Variants in FBXL2 observed in about 807,000 individuals in gnomAD.
FBXL2 encodes the protein F-box and leucine rich repeat protein 2.
In FBXL2, 38 loss-of-function variants were observed where a neutral mutation model predicts 69.2. That is an observed-to-expected ratio of 0.55 (90% CI 0.42 to 0.72). The LOEUF is 0.72. Among genes scored for constraint, FBXL2 ranks in the 30% least tolerant of loss-of-function variants. The pLI, the probability that FBXL2 is intolerant of heterozygous loss-of-function variation, is 0.00. For synonymous variants in FBXL2, 192 were observed against 201.3 expected (o/e 0.95, Z 0.39); for missense variants, 354 against 520.3 (o/e 0.68, Z 3.11).
chr3:33,398,219 A>G (rs1243538590), intron 12 of FBXL2: 1 of 152,258 alleles, frequency 6.6e-6, no homozygotes, highest in Non-Finnish European at 1.5e-5. Flanking sequence ...TATGATAAAT[A>G]GCCACTTACA....
intron 2 of FBXL2, among the ~76,000 whole-genome samples, chr3:33,319,091 AG>A (rs2037969717): frequency 6.6e-6 from 1 of 152,222 alleles, no homozygotes; most frequent in Admixed American, 6.5e-5. Context: ...AAGACGTCAC[AG>A]TCCTGGGATA....
At chr3:33,326,605 T>C (rs2038717242) in intron 2 of FBXL2, among the ~76,000 whole-genome samples, 1 of 152,196 alleles carries the variant, frequency 6.6e-6, no homozygotes, top group Non-Finnish European at 1.5e-5. Context: ...AACCTCCAAT[T>C]TAACTTTTGC....
At chr3:33,396,307 G>A in intron 12 of FBXL2, 5 of 1,530,356 alleles carry the variant, frequency 3.3e-6, no homozygotes, top group Non-Finnish European at 4.5e-6. Flanking sequence ...CCACTGATGA[G>A]CCTGGGAGAG....
At chr3:33,401,958 TA>T (rs1383278539) in intron 12 of FBXL2, among the ~76,000 whole-genome samples, 1 of 152,194 alleles carries the variant, frequency 6.6e-6, no homozygotes, top group Non-Finnish European at 1.5e-5. Context: ...TCTTAAAGCA[TA>T]ATAGCCTACA....
At chr3:33,361,322 A>T (rs1157949890) in intron 4 of FBXL2, among the ~76,000 whole-genome samples, 1 of 151,862 alleles carries the variant, frequency 6.6e-6, no homozygotes, top group Non-Finnish European at 1.5e-5. Flanking sequence ...TGGGCAACAT[A>T]GCAAAACTGC....
chr3:33,283,479 T>A (rs1052045823), intron 1 of FBXL2, among the ~76,000 whole-genome samples: 7 of 152,236 alleles, frequency 4.6e-5, no homozygotes, highest in African/African-American at 1.7e-4. Flanking sequence ...TTTGCATCGA[T>A]GTTCATCAGG....
chr3:33,321,520 A>T (rs2038216805), intron 2 of FBXL2, among the ~76,000 whole-genome samples: 1 of 152,204 alleles, frequency 6.6e-6, no homozygotes, highest in Admixed American at 6.5e-5. Flanking sequence ...ATGTGACATT[A>T]TCCACAGTTG....
chr3:33,401,107 G>A, intron 12 of FBXL2: 1 of 1,261,556 alleles, frequency 7.9e-7, no homozygotes, highest in Middle Eastern at 2.3e-4. Context: ...TTGTAACTAT[G>A]CAAATTTCAA....
chr3:33,311,109 T>C (rs1045731325), intron 2 of FBXL2, among the ~76,000 whole-genome samples: 1 of 152,216 alleles, frequency 6.6e-6, no homozygotes. Context: ...CATCCTATTC[T>C]CTTGTAGATT....
rs202118285 is a variant in FBXL2 at position 33,375,384 on chromosome 3, C to A, written c.754C>A (p.Leu252Ile). The change falls in exon 10 of 15, where the codon CTT becomes ATT. Residue 252 changes from leucine (L) to isoleucine (I), a missense_variant. Physicochemically the swap from Leu to Ile is conservative, Grantham distance 5. Coordinates refer to ENST00000484457, the MANE Select transcript of FBXL2 (RefSeq NM_012157.5). ...TTGCAGCAACCTCACAGATGCCTCT[C>A]TTACAGCCCTGGGTTTGAACTGTCC... Reference protein sequence around the residue: ...SGCSNLTDASLTALGLNCPRL... With the variant: ...SGCSNLTDASITALGLNCPRL... The A allele has an allele frequency of 8.7e-6, 14 of 1,614,080 alleles. No homozygotes were observed. The Admixed American group carries it at 2.3e-4, about 27-fold the overall frequency.
At chr3:33,395,300 T>A (rs1032106317) in intron 12 of FBXL2, among the ~76,000 whole-genome samples, 2 of 152,050 alleles carry the variant, frequency 1.3e-5, no homozygotes, top group African/African-American at 4.8e-5. Context: ...TTAGGGCAAA[T>A]AACTGCATCT....
chr3:33,401,140 C>T, intron 12 of FBXL2: 1 of 811,402 alleles, frequency 1.2e-6, no homozygotes, highest in Non-Finnish European at 1.8e-6. Context: ...TGGGAGACAG[C>T]TATGAAAGTC....
In FBXL2 at chr3:33,377,271, A is replaced by G. The variant is rs771407787; in HGVS notation, c.789-2A>G. ...TCTCCCCTGTACCCACTTTCTCCTC[A>G]GAATTTTGGAGGCTGCCCGATGCTC... On this transcript the variant is annotated splice_acceptor_variant, in intron 10 of 14. Coordinates refer to ENST00000484457, the MANE Select transcript of FBXL2 (RefSeq NM_012157.5). LOFTEE classifies it high-confidence loss of function. The G allele has an allele frequency of 1.9e-6, 3 of 1,614,100 alleles. No individual in the cohort carries two copies.
intron 13 of FBXL2, chr3:33,383,770 CTGTTT>C (rs1327271321): frequency 3.7e-6 from 2 of 537,278 alleles, no homozygotes; most frequent in Non-Finnish European, 6.7e-6. Context: ...ATGTCTCAGT[CTGTTT>C]TGTGCTGCTA....
rs1230623348 is a variant in FBXL2, at chr3:33,361,521, T to A, written c.195+2164T>A. On this transcript the variant is annotated intron_variant, in intron 4 of 14. Coordinates refer to ENST00000484457, the MANE Select transcript of FBXL2 (RefSeq NM_012157.5). Reference sequence around the variant, plus strand: ...GTGGGGCCCTGTCTCAAAAAAAAAATTATTTTGATATTAAAAAGTACTACT... The same window carrying A: ...GTGGGGCCCTGTCTCAAAAAAAAAAATATTTTGATATTAAAAAGTACTACT... Among the ~76,000 whole-genome samples the A allele has an allele frequency of 3.3e-5, 5 of 151,876 alleles. No homozygotes were observed. In the East Asian group the frequency reaches 7.8e-4, roughly 24 times the overall value.
At chr3:33,301,470 T>A (rs1450271521) in intron 2 of FBXL2, among the ~76,000 whole-genome samples, 3 of 152,224 alleles carry the variant, frequency 2.0e-5, no homozygotes, top group Admixed American at 2.0e-4. Flanking sequence ...TCTGGAATAA[T>A]ATGCTGCTTT....
intron 2 of FBXL2, among the ~76,000 whole-genome samples, chr3:33,327,972 C>A (rs1457821424): frequency 8.1e-6 from 1 of 124,038 alleles, no homozygotes; most frequent in Non-Finnish European, 1.7e-5. Flanking sequence ...AAAAAAAAAA[C>A]TGTTAGAACT....
intron 1 of FBXL2, among the ~76,000 whole-genome samples, chr3:33,284,605 A>T (rs2034402185): frequency 1.3e-5 from 2 of 152,156 alleles, no homozygotes; most frequent in African/African-American, 2.4e-5. Context: ...TATCCTTGTT[A>T]ACTTTCTGTC....
chr3:33,378,396 T>C (rs2042784196), intron 12 of FBXL2, among the ~76,000 whole-genome samples: 1 of 152,208 alleles, frequency 6.6e-6, no homozygotes. Flanking sequence ...TGTCCAGTGA[T>C]GGGGTGACTC....
Sources: gnomAD v4.1 joint callset for allele counts (sites outside exome capture counted in the v4.1 genomes callset) on GRCh38, gnomAD v4.1.1 for gene constraint, MANE v1.5 for transcripts, NCBI Gene and HGNC (gene_info 2026-07-23, HGNC 2026-07-21) for gene names.